PTPRR: variants seen among roughly 807,000 people sequenced by gnomAD.
The protein encoded by PTPRR is receptor-type tyrosine-protein phosphatase R.
PTPRR carries 38 observed loss-of-function variants against 77.2 expected under a neutral mutation model. The observed-to-expected ratio is 0.49, with a 90% CI of 0.38 to 0.65. PTPRR has a LOEUF of 0.65. Ranked by LOEUF, PTPRR falls within the 30% of genes least tolerant of loss-of-function variation. The pLI is 0.00. For synonymous variants in PTPRR, 299 were observed against 283.1 expected (o/e 1.06, Z -0.57); for missense variants, 744 against 799.2 (o/e 0.93, Z 0.83).
Position 70,850,510 on chromosome 12 carries a change from C to T in PTPRR, c.357+42169G>A, listed in dbSNP as rs113197604. ...CTCATTAGTGATGTTTTCCCATCAC[C>T]GATTTCTATATCTAAATCACAAATA... On this transcript the variant is annotated intron_variant, in intron 2 of 13. Coordinates refer to ENST00000283228, the MANE Select transcript of PTPRR (RefSeq NM_002849.4). Among the ~76,000 whole-genome samples the T allele has an allele frequency of 9.0e-3, 1,364 of 152,210 alleles. 22 individuals are homozygous for T. The highest frequency in any genetic ancestry group is 0.031 in the African/African-American group (1,302 of 41,516).
At chr12:70,823,502 G>T (rs1030261181) in intron 2 of PTPRR, among the ~76,000 whole-genome samples, 4 of 152,110 alleles carry the variant, frequency 2.6e-5, no homozygotes, top group African/African-American at 7.2e-5. Context: ...TTCCCAGAGT[G>T]CCCTACACTT....
chr12:70,796,966 C>T (rs1262962335), intron 2 of PTPRR, among the ~76,000 whole-genome samples: 14 of 151,996 alleles, frequency 9.2e-5, no homozygotes, highest in African/African-American at 2.9e-4. Flanking sequence ...TGCTGTGAGC[C>T]GAGACTGCAC....
chr12:70,694,766 C>A (rs1888173093), intron 8 of PTPRR, among the ~76,000 whole-genome samples: 1 of 151,914 alleles, frequency 6.6e-6, no homozygotes, highest in Admixed American at 6.6e-5. Context: ...ACACAATATA[C>A]CCTTGTAACA....
At chr12:70,641,550 G>A (rs1482637368) in intron 13 of PTPRR, among the ~76,000 whole-genome samples, 1 of 152,178 alleles carries the variant, frequency 6.6e-6, no homozygotes, top group Non-Finnish European at 1.5e-5. Flanking sequence ...GGAAGATGGA[G>A]AAGCATACTC....
intron 2 of PTPRR, among the ~76,000 whole-genome samples, chr12:70,771,434 T>G (rs76274200): frequency 5.3e-5 from 8 of 152,070 alleles, no homozygotes; most frequent in Non-Finnish European, 1.0e-4. Flanking sequence ...GACTGCTTAA[T>G]GTGTGCTGTG....
intron 2 of PTPRR, among the ~76,000 whole-genome samples, chr12:70,845,861 A>G (rs1038886242): frequency 1.3e-5 from 2 of 152,212 alleles, no homozygotes; most frequent in African/African-American, 4.8e-5. Context: ...ATCTTCTGGA[A>G]TAAGATCATA....
At chr12:70,742,892 T>C (rs1890097184) in intron 6 of PTPRR, among the ~76,000 whole-genome samples, 1 of 152,106 alleles carries the variant, frequency 6.6e-6, no homozygotes, top group Non-Finnish European at 1.5e-5. Flanking sequence ...ACTCACAATT[T>C]AAAAAGAAGA....
In PTPRR at chr12:70,878,412, C is replaced by A. The variant is rs574188126; in HGVS notation, c.357+14267G>T. On this transcript the variant is annotated intron_variant, in intron 2 of 13. Coordinates refer to ENST00000283228, the MANE Select transcript of PTPRR (RefSeq NM_002849.4). Reference sequence around the variant, plus strand: ...CTCAAACAAATTTACAAGAAAAAAACAAACAACCCCATCAAAAAGGGGGCA... The same window carrying A: ...CTCAAACAAATTTACAAGAAAAAAAAAAACAACCCCATCAAAAAGGGGGCA... 2.4e-3 allele frequency among the ~76,000 whole-genome samples: 364 copies of A among 152,148 alleles called. 2 individuals carry two copies. Among genetic ancestry groups the A allele is most frequent in the Middle Eastern group, 0.01 (3 of 294 alleles).
chr12:70,867,432 C>G (rs1240987264), intron 2 of PTPRR, among the ~76,000 whole-genome samples: 6 of 152,036 alleles, frequency 3.9e-5, no homozygotes, highest in Admixed American at 1.3e-4. Flanking sequence ...AACTCCCATT[C>G]ACAATTGCTT....
At chr12:70,919,951 C>T (rs555649370) in intron 1 of PTPRR, among the ~76,000 whole-genome samples, 1 of 151,914 alleles carries the variant, frequency 6.6e-6, no homozygotes, top group African/African-American at 2.4e-5. Context: ...ATGTAGTAGC[C>T]GCTGCAGTAG....
chr12:70,791,422 C>A (rs1237159955), intron 2 of PTPRR, among the ~76,000 whole-genome samples: 1 of 152,192 alleles, frequency 6.6e-6, no homozygotes, highest in East Asian at 1.9e-4. Flanking sequence ...TTCAGAGATG[C>A]CTCCACTAAT....
intron 1 of PTPRR, among the ~76,000 whole-genome samples, chr12:70,912,331 T>C (rs1316711608): frequency 6.6e-6 from 1 of 152,176 alleles, no homozygotes; most frequent in African/African-American, 2.4e-5. Flanking sequence ...TCTGTACATA[T>C]TGCTGTACAG....
At chr12:70,651,782 C>T (rs1886404080) in intron 13 of PTPRR, among the ~76,000 whole-genome samples, 1 of 151,992 alleles carries the variant, frequency 6.6e-6, no homozygotes, top group Non-Finnish European at 1.5e-5. Flanking sequence ...TGATAAAGAT[C>T]AGAGAAATAA....
At chr12:70,840,558 G>C (rs74476386) in intron 2 of PTPRR, among the ~76,000 whole-genome samples, 2,207 of 152,178 alleles carry the variant, frequency 0.015, 58 homozygotes, top group African/African-American at 0.05. Flanking sequence ...ATTAATTTTG[G>C]GGTTTCTGAT....
chr12:70,792,394 C>T (rs1014192164), intron 2 of PTPRR, among the ~76,000 whole-genome samples: 1 of 152,118 alleles, frequency 6.6e-6, no homozygotes, highest in African/African-American at 2.4e-5. Context: ...TGTCATGTGG[C>T]TACTCTTCAG....
At chr12:70,713,057 C>G (rs1888889272) in intron 6 of PTPRR, among the ~76,000 whole-genome samples, 1 of 152,144 alleles carries the variant, frequency 6.6e-6, no homozygotes, top group Non-Finnish European at 1.5e-5. Flanking sequence ...TTCTCTCTCT[C>G]TCCAGGCTCT....
chr12:70,645,706 A>C (rs1312007043), intron 13 of PTPRR, among the ~76,000 whole-genome samples: 1 of 152,184 alleles, frequency 6.6e-6, no homozygotes, highest in Non-Finnish European at 1.5e-5. Flanking sequence ...ACCCTCCTAT[A>C]AATGTCAGAT....
chr12:70,740,884 C>T lies in PTPRR; in HGVS notation c.1007+4934G>A, dbSNP rs992397803. Among the ~76,000 whole-genome samples the T allele has an allele frequency of 2.0e-5, 3 of 151,898 alleles. No individual in the cohort carries two copies. In the South Asian group the frequency reaches 6.2e-4, roughly 31 times the overall value. On this transcript the variant is annotated intron_variant, in intron 6 of 13. Coordinates refer to ENST00000283228, the MANE Select transcript of PTPRR (RefSeq NM_002849.4). ...ATTAAACATGAGCCTATTTTAAAGGCACCATTAGAACACACATATATATAT... is the reference window on the plus strand; with the variant it reads ...ATTAAACATGAGCCTATTTTAAAGGTACCATTAGAACACACATATATATAT...
At chr12:70,866,800 C>G (rs1184261157) in intron 2 of PTPRR, among the ~76,000 whole-genome samples, 1 of 152,064 alleles carries the variant, frequency 6.6e-6, no homozygotes, top group African/African-American at 2.4e-5. Flanking sequence ...ACTGGCAAAA[C>G]GAATCCAGCA....
Sources: gnomAD v4.1 joint callset for allele counts (sites outside exome capture counted in the v4.1 genomes callset) on GRCh38, gnomAD v4.1.1 for gene constraint, MANE v1.5 for transcripts, NCBI Gene and HGNC (gene_info 2026-07-23, HGNC 2026-07-21) for gene names.